Variants in TMEM108 observed in about 807,000 individuals in gnomAD.
TMEM108 encodes transmembrane protein 108.
TMEM108 carries 12 observed loss-of-function variants against 35.1 expected under a neutral mutation model. The ratio of observed to expected loss-of-function variants is 0.34; its 90% confidence interval spans 0.22 to 0.55. The LOEUF (loss-of-function observed/expected upper bound fraction) is 0.55, where lower values mean the gene tolerates loss of function less well. Among genes scored for constraint, TMEM108 ranks in the 20% least tolerant of loss-of-function variants. The pLI is 0.89. For missense variants in TMEM108, 680 were observed against 753.3 expected (o/e 0.90, Z 1.14); for synonymous variants, 287 against 308.6 (o/e 0.93, Z 0.73).
chr3:133,121,874 T>G (rs1444912377), intron 2 of TMEM108, among the ~76,000 whole-genome samples: 2 of 152,212 alleles, frequency 1.3e-5, no homozygotes, highest in Admixed American at 1.3e-4. Context: ...TGCTCTATTT[T>G]TTTAACGGAG....
At chr3:133,057,431 GTGTGTATATATATATATATATATATA>G (rs1217897287) in intron 2 of TMEM108, among the ~76,000 whole-genome samples, 5 of 42,450 alleles carry the variant, frequency 1.2e-4, no homozygotes, top group Non-Finnish European at 1.9e-4. Flanking sequence ...TTGTGTGTGT[GTGTGTATATATATATATATATATATA>G]TATATATATA....
intron 2 of TMEM108, among the ~76,000 whole-genome samples, chr3:133,227,814 G>A (rs2107651223): frequency 6.6e-6 from 1 of 152,136 alleles, no homozygotes; most frequent in African/African-American, 2.4e-5. Context: ...AGAATCACTT[G>A]AACCCAAGTG....
intron 3 of TMEM108, among the ~76,000 whole-genome samples, chr3:133,232,993 C>T (rs1946175809): frequency 6.7e-6 from 1 of 149,906 alleles, no homozygotes; most frequent in South Asian, 2.1e-4. Flanking sequence ...TTTGAGACAT[C>T]AGACAGGTTC....
chr3:133,230,625 C>G (rs1236016725), intron 3 of TMEM108, among the ~76,000 whole-genome samples: 1 of 152,144 alleles, frequency 6.6e-6, no homozygotes, highest in African/African-American at 2.4e-5. Context: ...CACACATACA[C>G]ACATACCCCT....
intron 2 of TMEM108, among the ~76,000 whole-genome samples, chr3:133,207,438 A>G (rs1428140764): frequency 1.3e-5 from 2 of 152,124 alleles, no homozygotes; most frequent in African/African-American, 4.8e-5. Flanking sequence ...CCATCTTGCC[A>G]GCCCTCCCCT....
chr3:133,341,875 A>C (rs1006367261), intron 3 of TMEM108, among the ~76,000 whole-genome samples: 1 of 151,960 alleles, frequency 6.6e-6, no homozygotes, highest in East Asian at 1.9e-4. Context: ...ATATTACAAA[A>C]ATCAAATCAA....
chr3:133,339,809 CTA>C (rs1413354772), intron 3 of TMEM108, among the ~76,000 whole-genome samples: 3 of 151,750 alleles, frequency 2.0e-5, no homozygotes, highest in Non-Finnish European at 3.0e-5. Flanking sequence ...ATTTAGGAAA[CTA>C]TACAAATGCA....
intron 3 of TMEM108, among the ~76,000 whole-genome samples, chr3:133,317,652 A>C (rs1004158406): frequency 6.6e-6 from 1 of 152,202 alleles, no homozygotes; most frequent in African/African-American, 2.4e-5. Context: ...GAGATGTTAT[A>C]TGGTGTGAAT....
At chr3:133,357,468 C>G (rs768704454) in intron 3 of TMEM108, among the ~76,000 whole-genome samples, 1 of 152,090 alleles carries the variant, frequency 6.6e-6, no homozygotes, top group Non-Finnish European at 1.5e-5. Context: ...GAAAAAGATA[C>G]GAGCACATGC....
intron 2 of TMEM108, among the ~76,000 whole-genome samples, chr3:133,057,475 A>ATC (rs368440003): frequency 1.9e-4 from 8 of 41,858 alleles, no homozygotes; most frequent in African/African-American, 5.3e-4. Flanking sequence ...ATATATATAT[A>ATC]TATATATATA....
intron 2 of TMEM108, among the ~76,000 whole-genome samples, chr3:133,053,494 C>T (rs1023075100): frequency 3.9e-5 from 6 of 152,018 alleles, no homozygotes; most frequent in Admixed American, 3.3e-4. Context: ...CACTTTTAGA[C>T]ATCTTGCCAA....
At chr3:133,141,397 T>C (rs1044131445) in intron 2 of TMEM108, among the ~76,000 whole-genome samples, 1 of 152,146 alleles carries the variant, frequency 6.6e-6, no homozygotes, top group South Asian at 2.1e-4. Flanking sequence ...ATGGGGCAAG[T>C]GTGGCAGGAC....
intron 3 of TMEM108, among the ~76,000 whole-genome samples, chr3:133,290,886 T>C (rs1261659056): frequency 6.6e-6 from 1 of 152,066 alleles, no homozygotes; most frequent in Non-Finnish European, 1.5e-5. Flanking sequence ...TCATTTGCAA[T>C]GAGAAATGAA....
intron 3 of TMEM108, among the ~76,000 whole-genome samples, chr3:133,252,818 A>T (rs571091603): frequency 6.6e-6 from 1 of 152,294 alleles, no homozygotes; most frequent in Admixed American, 6.5e-5. Context: ...TGTTCAAAGA[A>T]ACATAAAACA....
chr3:133,371,370 A>G (rs575979793), intron 3 of TMEM108, among the ~76,000 whole-genome samples: 6 of 152,254 alleles, frequency 3.9e-5, no homozygotes, highest in South Asian at 2.1e-4. Flanking sequence ...CACTTTCAAG[A>G]TAGCTCATTC....
In TMEM108 at chr3:133,280,210, CA is replaced by C. The variant is rs1157918444; in HGVS notation, c.40+50864del. Among the ~76,000 whole-genome samples, 7 of 152,092 alleles carry C rather than the reference CA, an allele frequency of 4.6e-5. 1 individual carries two copies. The highest frequency in any genetic ancestry group is 4.6e-4 in the Admixed American group (7 of 15,274). On this transcript the variant is annotated intron_variant, in intron 3 of 5. Transcript: ENST00000321871. Reference sequence around the variant, plus strand: ...AGACAGAGGGAAAGAAACAGTGCAGCAAAAATCAGGAAAGTCAACATGTAGG... The same window carrying C: ...AGACAGAGGGAAAGAAACAGTGCAGCAAAATCAGGAAAGTCAACATGTAGG...
At chr3:133,358,400 G>A (rs2072242491) in intron 3 of TMEM108, among the ~76,000 whole-genome samples, 2 of 152,148 alleles carry the variant, frequency 1.3e-5, no homozygotes, top group African/African-American at 4.8e-5. Flanking sequence ...TCGAACTCCT[G>A]ACCTCATGAT....
At chr3:133,318,416 C>T (rs1038463204) in intron 3 of TMEM108, among the ~76,000 whole-genome samples, 1 of 152,176 alleles carries the variant, frequency 6.6e-6, no homozygotes, top group Non-Finnish European at 1.5e-5. Flanking sequence ...TAGGCACTGT[C>T]ATTTTTCAAA....
chr3:133,375,856 C>T (rs1245387416), intron 3 of TMEM108, among the ~76,000 whole-genome samples: 1 of 152,192 alleles, frequency 6.6e-6, no homozygotes, highest in Non-Finnish European at 1.5e-5. Flanking sequence ...TTCTGTTGCC[C>T]ACTCTGTGAA....
Sources: gnomAD v4.1 joint callset for allele counts (sites outside exome capture counted in the v4.1 genomes callset) on GRCh38, gnomAD v4.1.1 for gene constraint, MANE v1.5 for transcripts, NCBI Gene and HGNC (gene_info 2026-07-23, HGNC 2026-07-21) for gene names.